The following OPA1 variants were observed in gnomAD, a reference collection of about 807,000 sequenced individuals.
The protein encoded by OPA1 is dynamin-like GTPase OPA1, mitochondrial.
In OPA1, 59 loss-of-function variants were observed where a neutral mutation model predicts 152.9. The ratio of observed to expected loss-of-function variants is 0.39; its 90% confidence interval spans 0.31 to 0.48. The LOEUF (loss-of-function observed/expected upper bound fraction) is 0.48, where lower values mean the gene tolerates loss of function less well. OPA1 is among the 20% of genes least tolerant of loss of function. The pLI, the probability that OPA1 is intolerant of heterozygous loss-of-function variation, is 0.96. For missense variants in OPA1, 1,008 were observed against 1,216.8 expected, an observed-to-expected ratio of 0.83 and a Z score of 2.55; for synonymous variants, 400 against 389.9, an observed-to-expected ratio of 1.03 and a Z score of -0.31.
intron 29 of OPA1, among the ~76,000 whole-genome samples, chr3:193,681,479 A>C (rs1187338478): frequency 6.6e-6 from 1 of 152,252 alleles, no homozygotes; most frequent in Non-Finnish European, 1.5e-5. Flanking sequence ...AGTGAAATAA[A>C]GTAAACTTTC....
intron 19 of OPA1, 68 bp downstream of exon 19, chr3:193,647,248 A>T (rs920889013): frequency 1.0e-6 from 1 of 967,932 alleles, no homozygotes; most frequent in East Asian, 2.6e-5. Flanking sequence ...TTTGGCATCC[A>T]TACGATTCTG....
chr3:193,647,208 C>A, intron 19 of OPA1, 28 bp downstream of exon 19: 1 of 1,408,608 alleles, frequency 7.1e-7, no homozygotes, highest in Non-Finnish European at 1.0e-6. Flanking sequence ...AAGAAGCAAG[C>A]AAATTAAGAC....
At chr3:193,626,234 A>G (rs941792688) in intron 7 of OPA1, 32 bp downstream of exon 7, 1 of 1,451,968 alleles carries the variant, frequency 6.9e-7, no homozygotes, top group Non-Finnish European at 9.7e-7. Context: ...CTACCGATAC[A>G]TTCACACTAA....
chr3:193,604,829 C>T (rs1490685226), intron 1 of OPA1, among the ~76,000 whole-genome samples: 2 of 135,556 alleles, frequency 1.5e-5, no homozygotes, highest in Non-Finnish European at 3.0e-5. Context: ...CATTGCACTC[C>T]AGCCTGGGCA....
chr3:193,643,314 A>T lies in OPA1; in HGVS notation c.1306-59A>T, dbSNP rs530483731. On this transcript the variant is annotated intron_variant, in intron 13 of 30. Transcript: ENST00000361510. ...TTTAGAATACATTTCACCAAAAAAA[A>T]TTCTTGACAAATTCCCCCCAAACTT... 15 of 1,402,488 alleles carry T rather than the reference A, an allele frequency of 1.1e-5. No individual in the cohort carries two copies. In the Middle Eastern group the frequency reaches 5.3e-4, roughly 50 times the overall value. The allele number at this position is 1,402,488 out of a possible 1,614,324, so 86.9% of individuals were successfully genotyped here.
chr3:193,667,090 CAT>C (rs1402005813), intron 28 of OPA1, 78 bp from the exon 29 acceptor site: 8 of 747,046 alleles, frequency 1.1e-5, no homozygotes, highest in African/African-American at 1.1e-4. Context: ...ATTTACTCTC[CAT>C]ATATATAGGT....
chr3:193,691,413 G>C (rs1721663449), intron 29 of OPA1: 4 of 152,272 alleles, frequency 2.6e-5, no homozygotes. Flanking sequence ...TCTACCTCTA[G>C]TGGCTCTGGT....
At chr3:193,657,362 A>ATCATAAATCTG in intron 23 of OPA1, 130 bp downstream of exon 23, 2 of 903,522 alleles carry the variant, frequency 2.2e-6, no homozygotes, top group Non-Finnish European at 3.5e-6. Context: ...AAAGAAACAG[A>ATCATAAATCTG]TTTATGATCT....
intron 8 of OPA1, among the ~76,000 whole-genome samples, chr3:193,632,676 T>C (rs1304336006): frequency 6.6e-6 from 1 of 151,946 alleles, no homozygotes; most frequent in Non-Finnish European, 1.5e-5. Flanking sequence ...TGAGACCAGC[T>C]TGGGCAACCC....
In OPA1 at chr3:193,610,354, A is replaced by G. The variant is rs139966480; in HGVS notation, c.33-4369A>G. Among the ~76,000 whole-genome samples, 670 of 152,300 alleles carry G rather than the reference A, an allele frequency of 4.4e-3. 8 individuals are homozygous for G. The highest frequency in any genetic ancestry group is 0.015 in the African/African-American group (619 of 41,566). On this transcript the variant is annotated intron_variant, in intron 1 of 30. Transcript: ENST00000361510. Reference sequence around the variant, plus strand: ...CAGCGGAGGCTGCAGAACAACGAATATTGGTGAACAGCAGATGTTGCTGCC... The same window carrying G: ...CAGCGGAGGCTGCAGAACAACGAATGTTGGTGAACAGCAGATGTTGCTGCC...
Position 193,626,113 on chromosome 3 carries a change from C to T in OPA1, c.700C>T (p.Leu234Phe). 1 of 1,614,000 alleles carries T rather than the reference C, an allele frequency of 6.2e-7. No individual in the cohort carries two copies. The highest frequency in any genetic ancestry group is 8.5e-7 in the Non-Finnish European group (1 of 1,179,916). Residue 234 changes from leucine to phenylalanine, a missense_variant, in exon 7 of 31, where the codon CTC (leucine) becomes TTC (phenylalanine). Coordinates refer to ENST00000361510, the MANE Select transcript of OPA1 (RefSeq NM_130837.3). ...GCAGGGTCTGCTTGGTGAGCTCATT[C>T]TCTTACAACAACAAATTCAAGAGCA... ...FRKGLLGELILLQQQIQEHEE... is the reference protein window; with the variant it reads ...FRKGLLGELIFLQQQIQEHEE...
At chr3:193,642,902 T>C (rs768616711) in intron 12 of OPA1, 57 bp downstream of exon 12, 1 of 1,566,446 alleles carries the variant, frequency 6.4e-7, no homozygotes, top group Non-Finnish European at 8.8e-7. Flanking sequence ...GATGAGCTTA[T>C]AAAAGACAGT....
rs75213840 is a variant in OPA1 at position 193,617,157 on chromosome 3, A to G, written c.449-21A>G. ...ACATATTTTCTTAGTTTCATACTCTATATGTTTTGATCTTTTCCAGAGAAA... is the reference window on the plus strand; with the variant it reads ...ACATATTTTCTTAGTTTCATACTCTGTATGTTTTGATCTTTTCCAGAGAAA... On this transcript the variant is annotated intron_variant, in intron 3 of 30. Coordinates refer to ENST00000361510, the MANE Select transcript of OPA1 (RefSeq NM_130837.3). 6,799 of 1,377,288 alleles carry G rather than the reference A, an allele frequency of 4.9e-3. 271 individuals are homozygous for G. The African/African-American group carries it at 0.085, about 17-fold the overall frequency. The allele number at this position is 1,377,288 out of a possible 1,614,324, so 85.3% of individuals were successfully genotyped here. A position where few individuals can be genotyped will look rare whatever the true frequency, so the allele number is the denominator to read the frequency against.
At chr3:193,692,217 AC>A (rs1721790085) in intron 30 of OPA1, 85 bp downstream of exon 30, 2 of 755,618 alleles carry the variant, frequency 2.6e-6, no homozygotes, top group Non-Finnish European at 2.3e-6. Context: ...TGCTTCATTT[AC>A]ATCCTGCTTG....
At chr3:193,675,658 A>G (rs1203155085) in intron 29 of OPA1, among the ~76,000 whole-genome samples, 1 of 152,186 alleles carries the variant, frequency 6.6e-6, no homozygotes, top group Non-Finnish European at 1.5e-5. Flanking sequence ...TGTTTAATTG[A>G]GCAGAATAGA....
Position 193,667,251 on chromosome 3 carries a change from G to A in OPA1, c.2954G>A (p.Gly985Asp), listed in dbSNP as rs2109277876. 1 of 1,596,990 alleles carries A rather than the reference G, an allele frequency of 6.3e-7. No homozygotes were observed. The highest frequency in any genetic ancestry group is 8.6e-7 in the Non-Finnish European group (1 of 1,164,404). ...GAGAAGAAGATTAAATTGCTTACTG[G>A]TAAACGCGTTCAACTGGCGGAAGAC... is the stretch of plus-strand genomic sequence containing the variant. ...DGEKKIKLLT[G>D]KRVQLAEDLK... Residue 985 changes from glycine to aspartate, a missense_variant, in exon 29 of 31, where the codon GGT becomes GAT. Gly to Asp is a moderately conservative substitution (Grantham distance 94). Transcript: ENST00000361510.
At chr3:193,687,596 T>C (rs935310309) in intron 29 of OPA1, among the ~76,000 whole-genome samples, 19 of 152,336 alleles carry the variant, frequency 1.2e-4, no homozygotes, top group African/African-American at 4.6e-4. Flanking sequence ...TACAATAATA[T>C]TTTTGAAATT....
chr3:193,596,243 T>G (rs1421384441), intron 1 of OPA1, among the ~76,000 whole-genome samples: 2 of 147,666 alleles, frequency 1.4e-5, no homozygotes, highest in African/African-American at 5.0e-5. Flanking sequence ...GGGAATTTCC[T>G]TAATTCATTT....
Position 193,618,227 on chromosome 3 carries a change from C to G in OPA1, c.610+390C>G, listed in dbSNP as rs1264861377. ...GGCGCGGTGGCTCATGCCTGTAATCCCAGCATTTTGGGAGGCCAAGGCAGG... is the reference window on the plus strand; with the variant it reads ...GGCGCGGTGGCTCATGCCTGTAATCGCAGCATTTTGGGAGGCCAAGGCAGG... On this transcript the variant is annotated intron_variant, in intron 5 of 30. Transcript: ENST00000361510. 3.9e-5 allele frequency among the ~76,000 whole-genome samples: 6 copies of G among 152,104 alleles called. No individual in the cohort carries two copies. The East Asian group carries it at 1.2e-3, about 29-fold the overall frequency.
Sources: allele counts gnomAD v4.1 joint callset (sites outside exome capture counted in the v4.1 genomes callset), GRCh38; gene constraint gnomAD v4.1.1; transcripts MANE v1.5; gene names NCBI Gene and HGNC (gene_info 2026-07-23, HGNC 2026-07-21).